TRAF3: variants seen among roughly 807,000 people sequenced by gnomAD.
TRAF3 encodes TNF receptor-associated factor 3.
A neutral mutation model predicts 62.3 loss-of-function variants in TRAF3; 13 were observed. That is an observed-to-expected ratio of 0.21 (90% confidence interval 0.14 to 0.33). The LOEUF is 0.33. TRAF3 is among the 10% of genes least tolerant of loss of function. TRAF3 has a pLI of 1.00. For synonymous variants in TRAF3, 269 were observed against 283.4 expected, an observed-to-expected ratio of 0.95 and a Z score of 0.51; for missense variants, 440 against 741.8, an observed-to-expected ratio of 0.59 and a Z score of 4.73.
Position 102,905,238 on chromosome 14 carries a change from G to T in TRAF3, c.1161G>T (p.Arg387=), listed in dbSNP as rs1016934933. The T allele has an allele frequency of 7.4e-6, 12 of 1,613,808 alleles. No homozygotes were observed. The African/African-American group carries it at 1.6e-4, about 22-fold the overall frequency. ...GCCTGCTGGAGTCCCAGCTGAGCCG[G>T]CATGACCAGATGCTGAGTGTGCACG... ...NTGLLESQLS[R]HDQMLSVHDI... The change falls in exon 12 of 12, where the codon CGG becomes CGT. Residue 387 remains arginine, a synonymous_variant. Transcript: ENST00000392745.
intron 10 of TRAF3, 114 bp downstream of exon 10, chr14:102,897,515 A>G (rs899017192): frequency 2.9e-6 from 4 of 1,374,092 alleles, no homozygotes; most frequent in African/African-American, 2.9e-5. Flanking sequence ...GCAAGCAGAA[A>G]GGCAACTGAT....
intron 2 of TRAF3, among the ~76,000 whole-genome samples, chr14:102,848,465 TTAAAAA>T (rs1215700945): frequency 2.6e-5 from 4 of 152,180 alleles, no homozygotes; most frequent in African/African-American, 7.2e-5. Context: ...TGTTAGAATG[TTAAAAA>T]TAAGTATAAG....
chr14:102,829,031 GT>G (rs2139619393), intron 1 of TRAF3, among the ~76,000 whole-genome samples: 1 of 152,324 alleles, frequency 6.6e-6, no homozygotes, highest in South Asian at 2.1e-4. Context: ...GGAGCTCTGT[GT>G]TTATCCGTGG....
intron 9 of TRAF3, among the ~76,000 whole-genome samples, chr14:102,896,309 C>T (rs1011267037): frequency 3.9e-5 from 6 of 152,134 alleles, no homozygotes; most frequent in Non-Finnish European, 1.5e-5. Context: ...AGCCTACCCC[C>T]ACTACCCACC....
intron 10 of TRAF3, among the ~76,000 whole-genome samples, chr14:102,897,910 C>T (rs748922769): frequency 3.9e-5 from 6 of 152,218 alleles, no homozygotes; most frequent in African/African-American, 1.4e-4. Flanking sequence ...TGAATAGAGG[C>T]GATGATGTAA....
In TRAF3 at chr14:102,818,518, CCTGA is replaced by C. The variant is rs756564394; in HGVS notation, c.-156-11813_-156-11810del. ...TGATTTGAGATGAGTAGTTTGTATG[CCTGA>C]CTAAGTCAAGTAGCCACTTACTTCC... On this transcript the variant is annotated intron_variant, in intron 1 of 11. Coordinates refer to ENST00000392745, the MANE Select transcript of TRAF3 (RefSeq NM_145725.3). 5.3e-4 allele frequency among the ~76,000 whole-genome samples: 80 copies of C among 152,258 alleles called. 1 individual carries two copies. The highest frequency in any genetic ancestry group is 3.4e-3 in the Middle Eastern group (1 of 294).
At chr14:102,778,074 G>A (rs1464361578) in intron 1 of TRAF3, among the ~76,000 whole-genome samples, 3 of 150,688 alleles carry the variant, frequency 2.0e-5, no homozygotes, top group East Asian at 3.9e-4. Context: ...GGCGGCTCAG[G>A]GGCTGCGTGG....
intron 1 of TRAF3, among the ~76,000 whole-genome samples, chr14:102,812,715 C>A (rs987307746): frequency 3.3e-5 from 5 of 151,356 alleles, no homozygotes; most frequent in Non-Finnish European, 5.9e-5. Flanking sequence ...GTCAGGAGAT[C>A]GAGACCATCT....
chr14:102,779,611 T>A (rs1213909832), intron 1 of TRAF3, among the ~76,000 whole-genome samples: 1 of 152,192 alleles, frequency 6.6e-6, no homozygotes, highest in Non-Finnish European at 1.5e-5. Context: ...GAAGGACCTT[T>A]CTAGGGTATT....
intron 6 of TRAF3, among the ~76,000 whole-genome samples, chr14:102,881,444 G>C (rs1889060273): frequency 6.6e-6 from 1 of 151,796 alleles, no homozygotes; most frequent in Non-Finnish European, 1.5e-5. Flanking sequence ...ACTTTGCAGG[G>C]ACGTGGATGG....
At chr14:102,846,086 C>T (rs1025005338) in intron 2 of TRAF3, among the ~76,000 whole-genome samples, 2 of 149,406 alleles carry the variant, frequency 1.3e-5, no homozygotes, top group African/African-American at 2.4e-5. Context: ...GCAACAGAAA[C>T]TCTCTCATAC....
At chr14:102,867,007 T>C (rs998954015) in intron 2 of TRAF3, among the ~76,000 whole-genome samples, 3 of 152,156 alleles carry the variant, frequency 2.0e-5, no homozygotes, top group African/African-American at 7.2e-5. Flanking sequence ...ATAAAGACCA[T>C]AGTCCTTGGT....
intron 2 of TRAF3, among the ~76,000 whole-genome samples, chr14:102,844,289 AAAG>A (rs1886561862): frequency 6.6e-6 from 1 of 152,214 alleles, no homozygotes; most frequent in African/African-American, 2.4e-5. Context: ...AAGTAAGTAA[AAAG>A]AAGGTTTATT....
intron 9 of TRAF3, 79 bp from the exon 10 acceptor site, chr14:102,897,182 G>A: frequency 7.2e-7 from 1 of 1,381,428 alleles, no homozygotes; most frequent in Non-Finnish European, 1.0e-6. Flanking sequence ...GGCCTATATT[G>A]TGAAAATTTA....
intron 2 of TRAF3, among the ~76,000 whole-genome samples, chr14:102,859,014 T>C (rs1403900191): frequency 1.3e-5 from 2 of 152,230 alleles, no homozygotes; most frequent in African/African-American, 4.8e-5. Flanking sequence ...GAAAACCTTG[T>C]TACGCTTTTA....
Position 102,826,382 on chromosome 14 carries a change from T to G in TRAF3, c.-156-3952T>G, listed in dbSNP as rs546627773. 1.3e-5 allele frequency among the ~76,000 whole-genome samples: 2 copies of G among 152,330 alleles called. No individual in the cohort carries two copies. Among genetic ancestry groups the G allele is most frequent in the East Asian group, 3.9e-4 (2 of 5,176 alleles). ...ACGTTGAGCACCGCAGATACCACCC[T>G]GACCGCCACTGCAGGGCTTCTGTGC... On this transcript the variant is annotated intron_variant, in intron 1 of 11. Coordinates refer to ENST00000392745, the MANE Select transcript of TRAF3 (RefSeq NM_145725.3). The surrounding 1 kb of genome is among the most constrained non-coding windows in gnomAD (Gnocchi z 4.6).
At chr14:102,817,026 A>T (rs1053176913) in intron 1 of TRAF3, among the ~76,000 whole-genome samples, 1 of 152,126 alleles carries the variant, frequency 6.6e-6, no homozygotes, top group African/African-American at 2.4e-5. Context: ...AAGGAATTGG[A>T]TGGTGCCATT....
intron 1 of TRAF3, among the ~76,000 whole-genome samples, chr14:102,820,618 T>A (rs1488124977): frequency 6.9e-3 from 225 of 32,648 alleles, no homozygotes; most frequent in African/African-American, 0.021. Flanking sequence ...ATATATATTT[T>A]TTTTTTTTTT....
chr14:102,783,980 CAG>C (rs1370242676), intron 1 of TRAF3, among the ~76,000 whole-genome samples: 3 of 152,112 alleles, frequency 2.0e-5, no homozygotes, highest in Non-Finnish European at 2.9e-5. Flanking sequence ...TGAGATGTAA[CAG>C]AGTAAGAATG....
Sources: allele counts gnomAD v4.1 joint callset (sites outside exome capture counted in the v4.1 genomes callset), GRCh38; gene constraint gnomAD v4.1.1; non-coding constraint Gnocchi (gnomAD v3.1); transcripts MANE v1.5; gene names NCBI Gene and HGNC (gene_info 2026-07-23, HGNC 2026-07-21).